The following RBM19 variants were observed in gnomAD, a reference collection of about 807,000 sequenced individuals.
RBM19 encodes the protein RNA binding motif protein 19, also known as probable RNA-binding protein 19.
Under a neutral mutation model 116.8 loss-of-function variants are expected in RBM19, and 94 were observed. The ratio of observed to expected loss-of-function variants is 0.80; its 90% confidence interval spans 0.68 to 0.95. The LOEUF (loss-of-function observed/expected upper bound fraction) is 0.95, where lower values mean the gene tolerates loss of function less well. RBM19 is among the 40% of genes least tolerant of loss of function. The probability of loss-of-function intolerance (pLI) is 0.00; values close to 1 mark genes in which losing one functional copy is unlikely to be tolerated. For missense variants in RBM19, 1,161 were observed against 1,220.7 expected, an observed-to-expected ratio of 0.95 and a Z score of 0.73; for synonymous variants, 475 against 494.1, an observed-to-expected ratio of 0.96 and a Z score of 0.51.
At chr12:113,818,497 G>A (rs138607365), downstream of RBM19, among the ~76,000 whole-genome samples, 105 of 152,338 alleles carry the variant, frequency 6.9e-4, no homozygotes, top group Admixed American at 1.2e-3. Flanking sequence ...CTCTGGACGT[G>A]GGCCCAGCTG....
At chr12:113,958,161 C>G (rs900253527) in intron 5 of RBM19, 111 bp from the exon 6 acceptor site, 1 of 1,503,872 alleles carries the variant, frequency 6.6e-7, no homozygotes, top group Non-Finnish European at 8.8e-7. Flanking sequence ...CCATGCCCAC[C>G]GTGTCCATGG....
chr12:113,918,251 C>T, intron 20 of RBM19, 141 bp downstream of exon 20: 1 of 809,018 alleles, frequency 1.2e-6, no homozygotes, highest in Non-Finnish European at 2.1e-6. Context: ...AATTAGGCAT[C>T]TTAATTAGGA....
chr12:113,886,755 C>G (rs1484071107), intron 21 of RBM19, among the ~76,000 whole-genome samples: 2 of 152,162 alleles, frequency 1.3e-5, no homozygotes, highest in Non-Finnish European at 2.9e-5. Flanking sequence ...CACTCATTTT[C>G]TTTGGATGGA....
At chr12:113,827,718 G>A (rs1244847509) in intron 23 of RBM19, among the ~76,000 whole-genome samples, 1 of 152,022 alleles carries the variant, frequency 6.6e-6, no homozygotes, top group African/African-American at 2.4e-5. Flanking sequence ...GAAGCCCAGG[G>A]CTGGATTCTG....
intron 21 of RBM19, among the ~76,000 whole-genome samples, chr12:113,872,417 C>CAGAGAGGCTCCTCACTTCT: frequency 6.9e-6 from 1 of 145,824 alleles, no homozygotes; most frequent in East Asian, 2.3e-4. Flanking sequence ...CTCCGCCCGG[C>CAGAGAGGCTCCTCACTTCT]CAGCCGCCCC....
chr12:113,845,131 T>C (rs981639593), intron 22 of RBM19, among the ~76,000 whole-genome samples: 4 of 152,156 alleles, frequency 2.6e-5, no homozygotes, highest in African/African-American at 9.7e-5. Flanking sequence ...GCTGTCTGCA[T>C]GGCGGCCACT....
chr12:113,963,689 G>A (rs1376248478), intron 1 of RBM19, among the ~76,000 whole-genome samples: 3 of 152,214 alleles, frequency 2.0e-5, no homozygotes, highest in Admixed American at 2.0e-4. Flanking sequence ...GGAGAGACCT[G>A]GCTCAAGTCT....
chr12:113,878,312 A>G (rs1437676628), intron 21 of RBM19, among the ~76,000 whole-genome samples: 3 of 152,090 alleles, frequency 2.0e-5, no homozygotes, highest in Non-Finnish European at 4.4e-5. Context: ...TGTTTTCCTT[A>G]ATCAGGTACT....
At chr12:113,953,307 G>A (rs891190894) in intron 7 of RBM19, among the ~76,000 whole-genome samples, 1 of 152,166 alleles carries the variant, frequency 6.6e-6, no homozygotes, top group Non-Finnish European at 1.5e-5. Context: ...GGCCAACATG[G>A]TGAAACGCTG....
chr12:113,907,326 T>C (rs1206441841), intron 21 of RBM19, among the ~76,000 whole-genome samples: 2 of 152,164 alleles, frequency 1.3e-5, no homozygotes, highest in African/African-American at 4.8e-5. Flanking sequence ...GGCAGGAACT[T>C]TGCCTTGTTC....
At chr12:113,868,296 G>A (rs919659392) in intron 21 of RBM19, among the ~76,000 whole-genome samples, 5 of 152,330 alleles carry the variant, frequency 3.3e-5, no homozygotes, top group Non-Finnish European at 7.4e-5. Flanking sequence ...AGTAGACGGG[G>A]TAGATCTGTG....
chr12:113,937,094 C>T lies in RBM19; in HGVS notation c.1981G>A (p.Val661Ile), dbSNP rs754999027. Residue 661 changes from valine (V) to isoleucine (I), a missense_variant, in exon 16 of 24, where the codon GTC becomes ATC. Physicochemically the swap from Val to Ile is conservative, Grantham distance 29. Transcript: ENST00000261741. The part of the protein sequence containing the change: ...PLYLEWAPVG[V>I]FSSTAPQKKK... Reference sequence around the variant, plus strand: ...TTCTGTGGGGCTGTGCTGGAGAAGACGCCAACTGGAGCCCACTCCAGATAG... The same window carrying T: ...TTCTGTGGGGCTGTGCTGGAGAAGATGCCAACTGGAGCCCACTCCAGATAG... The T allele has an allele frequency of 1.4e-5, 23 of 1,613,886 alleles. No individual in the cohort carries two copies. The highest frequency in any genetic ancestry group is 6.7e-5 in the East Asian group (3 of 44,882).
At chr12:113,865,474 G>A (rs902759128) in intron 21 of RBM19, among the ~76,000 whole-genome samples, 3 of 152,152 alleles carry the variant, frequency 2.0e-5, no homozygotes, top group Non-Finnish European at 4.4e-5. Context: ...ACTGAAAGTG[G>A]ACTCCAAGAT....
chr12:113,890,925 C>CT (rs1880921810), intron 21 of RBM19, among the ~76,000 whole-genome samples: 1 of 152,052 alleles, frequency 6.6e-6, no homozygotes, highest in Admixed American at 6.6e-5. Context: ...GTAGCTGGGA[C>CT]TATAGACTAC....
intron 11 of RBM19, 77 bp downstream of exon 11, chr12:113,947,257 T>TAC (rs369688809): frequency 4.8e-4 from 671 of 1,390,530 alleles, no homozygotes; most frequent in South Asian, 9.8e-4. Flanking sequence ...TCCACACACA[T>TAC]ACACACACAC....
chr12:113,837,876 A>G (rs1165365427), intron 23 of RBM19, among the ~76,000 whole-genome samples: 1 of 152,252 alleles, frequency 6.6e-6, no homozygotes, highest in Non-Finnish European at 1.5e-5. Context: ...GAAAAGATGT[A>G]TAACAAACTC....
chr12:113,881,887 G>A (rs1406060285), intron 21 of RBM19, among the ~76,000 whole-genome samples: 1 of 152,252 alleles, frequency 6.6e-6, no homozygotes, highest in Admixed American at 6.5e-5. Flanking sequence ...TTATTCTGTG[G>A]GGTAGAAGCA....
intron 21 of RBM19, among the ~76,000 whole-genome samples, chr12:113,882,668 G>A (rs533839678): frequency 3.3e-4 from 51 of 152,336 alleles, no homozygotes; most frequent in African/African-American, 1.1e-3. Context: ...GGCCCATGCC[G>A]AGCCCAGGGG....
At position 113,948,912 on chromosome 12, in the gene RBM19, G is replaced by C. The variant is rs754101963; in HGVS notation, c.1197C>G (p.Ala399=). ...TCCGTACAAAGAGCCTTCCGGATTCGGCCAGGTCCTCCTCCTCTTCGTTCT... is the reference window on the plus strand; with the variant it reads ...TCCGTACAAAGAGCCTTCCGGATTCCGCCAGGTCCTCCTCCTCTTCGTTCT... The part of the protein sequence containing the change: ...LGENEEEEDL[A]ESGRLFVRNL... Residue 399 remains alanine (A), a synonymous_variant, in exon 10 of 24, where the codon GCC becomes GCG. Coordinates refer to ENST00000261741, the MANE Select transcript of RBM19 (RefSeq NM_016196.4). 1 of 1,614,162 alleles carries C rather than the reference G, an allele frequency of 6.2e-7. No homozygotes were observed. Among genetic ancestry groups the C allele is most frequent in the Admixed American group, 1.7e-5 (1 of 60,016 alleles).
Sources: gnomAD v4.1 joint callset for allele counts (sites outside exome capture counted in the v4.1 genomes callset) on GRCh38, gnomAD v4.1.1 for gene constraint, MANE v1.5 for transcripts, NCBI Gene and HGNC (gene_info 2026-07-23, HGNC 2026-07-21) for gene names.